The following FPR1 variants were observed in gnomAD, a reference collection of about 807,000 sequenced individuals.
FPR1 encodes the protein formyl peptide receptor 1, also known as N-formyl peptide receptor 1.
For synonymous variants in FPR1, 193 were observed against 176.7 expected, an observed-to-expected ratio of 1.09 and a Z score of -0.73; for missense variants, 407 against 453.0, an observed-to-expected ratio of 0.90 and a Z score of 0.92.
Position 51,746,933 on chromosome 19 carries a change from C to A in FPR1, c.62G>T (p.Gly21Val), listed in dbSNP as rs931195222. The A allele has an allele frequency of 1.2e-6, 2 of 1,614,100 alleles. No individual in the cohort carries two copies. The highest frequency in any genetic ancestry group is 1.7e-6 in the Non-Finnish European group (2 of 1,180,004). ...ISGGTPAVSA[G>V]YLFLDIITYL... ...AGTGATGATATCCAGGAAGAGATAG[C>A]CAGCAGATACAGCAGGTGTCCCTCC... Residue 21 changes from glycine (G) to valine (V), a missense_variant, in exon 2 of 2, where the codon GGC (glycine) becomes GTC (valine). Coordinates refer to ENST00000304748, the MANE Select transcript of FPR1 (RefSeq NM_002029.4). The surrounding 1 kb of genome is among the most constrained non-coding windows in gnomAD (Gnocchi z 4.3).
rs371692364 is a variant in FPR1, at chr19:51,746,137, T to C, written c.858A>G (p.Thr286=). 3.7e-4 allele frequency: 598 copies of C among 1,614,102 alleles called. 1 individual carries two copies. Among genetic ancestry groups the C allele is most frequent in the Non-Finnish European group, 4.6e-4 (542 of 1,180,054 alleles). The change falls in exon 2 of 2, where the codon ACA becomes ACG. Residue 286 remains threonine, a synonymous_variant. Transcript: ENST00000304748. This position sits in a 1 kb window ranked among gnomAD's most constrained non-coding sequence, Gnocchi z 4.3. Reference sequence around the variant, plus strand: ...AGCTGTTGAAGAAGGCCAGGGCACTTGTCACATCCACTGCAATACCAATTT... The same window carrying C: ...AGCTGTTGAAGAAGGCCAGGGCACTCGTCACATCCACTGCAATACCAATTT... ...YKEIGIAVDV[T]SALAFFNSCL...
At chr19:51,750,222 CT>C (rs2122331430) in intron 1 of FPR1, 2 of 152,260 alleles carry the variant, frequency 1.3e-5, no homozygotes, top group South Asian at 4.1e-4. Context: ...TTTTCAAGCA[CT>C]TGAATTGTGG....
chr19:51,745,950 C>T lies in FPR1; in HGVS notation c.1045G>A (p.Ala349Thr). 1.9e-6 allele frequency: 3 copies of T among 1,608,174 alleles called. No individual in the cohort carries two copies. The highest frequency in any genetic ancestry group is 2.6e-6 in the Non-Finnish European group (3 of 1,174,954). Residue 349 changes from alanine to threonine, a missense_variant, in exon 2 of 2, where the codon GCA (alanine) becomes ACA (threonine). Physicochemically the swap from Ala to Thr is moderately conservative, Grantham distance 58. Transcript: ENST00000304748. ...GTCCCCCAGCTCCCTCCTCACTTTG[C>T]CTGTAACTCCACCTCTGCAGAAGGT... The part of the protein sequence containing the change: ...TLPSAEVELQ[A>T]K
Position 51,746,960 on chromosome 19 carries a change from G to GACCTGTC in FPR1, c.34_35insGACAGGT (p.Ser12Ter). ...AGCAGATACAGCAGGTGTCCCTCCAGAGATGTTCGTGGGGAGAGAGGAATT... is the reference window on the plus strand; with the variant it reads ...AGCAGATACAGCAGGTGTCCCTCCAGACCTGTCAGATGTTCGTGGGGAGAGAGGAATT... On this transcript the variant is annotated stop_gained and frameshift_variant, in exon 2 of 2. Coordinates refer to ENST00000304748, the MANE Select transcript of FPR1 (RefSeq NM_002029.4). LOFTEE classifies it low-confidence loss of function (END_TRUNC). This position sits in a 1 kb window ranked among gnomAD's most constrained non-coding sequence, Gnocchi z 4.3. 6.2e-7 allele frequency: 1 copy of GACCTGTC among 1,613,820 alleles called. No individual in the cohort carries two copies. The highest frequency in any genetic ancestry group is 8.5e-7 in the Non-Finnish European group (1 of 1,179,766).
At chr19:51,747,774 T>G (rs2083757681) in intron 1 of FPR1, among the ~76,000 whole-genome samples, 2 of 152,176 alleles carry the variant, frequency 1.3e-5, no homozygotes, top group African/African-American at 4.8e-5. Context: ...CAATGGAATA[T>G]TATTCTGCCA....
At position 51,745,867 on chromosome 19, in the gene FPR1, T is replaced by C. The variant is rs867341; in HGVS notation, c.*75A>G. The C allele has an allele frequency of 0.012, 15,048 of 1,206,824 alleles. 169 individuals carry two copies. The highest frequency in any genetic ancestry group is 0.048 in the African/African-American group (3,157 of 65,538). 74.8% of individuals were successfully genotyped at this position (1,206,824 alleles called of 1,614,324 possible). ...GGGTAATCCTAAAATAAGCAGGAAA[T>C]GCCTGTGGCTCAGCCTAACTCAAGG... On this transcript the variant is annotated 3_prime_UTR_variant, in exon 2 of 2. Coordinates refer to ENST00000304748, the MANE Select transcript of FPR1 (RefSeq NM_002029.4).
chr19:51,746,284 A>T lies in FPR1; in HGVS notation c.711T>A (p.Ser237Arg). Residue 237 changes from serine to arginine, a missense_variant, in exon 2 of 2, where the codon AGT becomes AGA. By Grantham distance (110) the Ser-to-Arg change is moderately radical. Coordinates refer to ENST00000304748, the MANE Select transcript of FPR1 (RefSeq NM_002029.4). The surrounding 1 kb of genome is among the most constrained non-coding windows in gnomAD (Gnocchi z 4.3). ...CAAAGGAGAGGACCCGTAAGGGACG[A>T]CTGGACTTAATCAAGCCTTGCTTGT... ...KIHKQGLIKS[S>R]RPLRVLSFVA... is the part of the protein sequence containing the mutation. The T allele has an allele frequency of 6.2e-7, 1 of 1,614,168 alleles. No individual in the cohort carries two copies. The highest frequency in any genetic ancestry group is 8.5e-7 in the Non-Finnish European group (1 of 1,180,038).
At chr19:51,747,578 T>A (rs2083756506) in intron 1 of FPR1, among the ~76,000 whole-genome samples, 1 of 152,026 alleles carries the variant, frequency 6.6e-6, no homozygotes, top group South Asian at 2.1e-4. Context: ...ACCAGGGAGA[T>A]TAAATGGCTA....
intron 1 of FPR1, among the ~76,000 whole-genome samples, chr19:51,748,712 C>T (rs1375282294): frequency 3.3e-5 from 5 of 152,150 alleles, no homozygotes; most frequent in Admixed American, 2.6e-4. Flanking sequence ...CTGCCCGCCT[C>T]GGCGTCCCAA....
intron 1 of FPR1, 59 bp from the exon 2 acceptor site, chr19:51,747,064 C>T: frequency 1.6e-6 from 2 of 1,261,444 alleles, no homozygotes; most frequent in Non-Finnish European, 2.2e-6. Flanking sequence ...ATTTCCCCAC[C>T]CCCTCATTTC....
intron 1 of FPR1, 61 bp from the exon 2 acceptor site, chr19:51,747,066 C>T: frequency 1.6e-6 from 2 of 1,256,650 alleles, no homozygotes; most frequent in Non-Finnish European, 2.2e-6. Context: ...TTCCCCACCC[C>T]CTCATTTCTG....
rs773162997 is a variant in FPR1, at chr19:51,746,425, C to G, written c.570G>C (p.Arg190Ser). The change falls in exon 2 of 2, where the codon AGG becomes AGC. Residue 190 changes from arginine to serine, a missense_variant. By Grantham distance (110) the Arg-to-Ser change is moderately radical. Transcript: ENST00000304748. The surrounding 1 kb of genome is among the most constrained non-coding windows in gnomAD (Gnocchi z 4.3). ...FSPWTNDPKE[R>S]INVAVAMLTV... ...TCAACATGGCAACGGCCACATTTAT[C>G]CTCTCTTTAGGGTCGTTGGTCCAGG... is the stretch of plus-strand genomic sequence containing the variant. The G allele has an allele frequency of 4.3e-6, 7 of 1,614,008 alleles. No individual in the cohort carries two copies. In the Admixed American group the frequency reaches 8.3e-5, roughly 19 times the overall value.
At chr19:51,747,594 G>A (rs1000115081) in intron 1 of FPR1, among the ~76,000 whole-genome samples, 1 of 152,166 alleles carries the variant, frequency 6.6e-6, no homozygotes, top group Admixed American at 6.6e-5. Context: ...GGCTAAGGAA[G>A]ATAGGGTCCT....
chr19:51,746,100 T>C lies in FPR1; in HGVS notation c.895A>G (p.Met299Val), dbSNP rs567895941. ...TCCTGGCCCATGAAGACATAGAGCA[T>C]GGGGTTGAGGCAGCTGTTGAAGAAG... Reference protein sequence around the residue: ...LAFFNSCLNPMLYVFMGQDFR... With the variant: ...LAFFNSCLNPVLYVFMGQDFR... Residue 299 changes from methionine (M) to valine (V), a missense_variant, in exon 2 of 2, where the codon ATG (methionine) becomes GTG (valine). Transcript: ENST00000304748. This position sits in a 1 kb window ranked among gnomAD's most constrained non-coding sequence, Gnocchi z 4.3. The C allele has an allele frequency of 6.8e-6, 11 of 1,614,128 alleles. No individual in the cohort carries two copies. In the South Asian group the frequency reaches 1.1e-4, roughly 16 times the overall value.
chr19:51,749,082 G>A (rs970906676), intron 1 of FPR1, among the ~76,000 whole-genome samples: 2 of 152,106 alleles, frequency 1.3e-5, no homozygotes, highest in African/African-American at 2.4e-5. Flanking sequence ...AGGCATGGCG[G>A]TGGGTGCTTT....
rs1353523385 is a variant in FPR1 at position 51,751,870 on chromosome 19, G to A, written c.-68C>T. ...GGGTAGTTCTAGGTCTGGGTCTCCT[G>A]GGGAGAGTGACTCAGGCTCTAATGA... On this transcript the variant is annotated 5_prime_UTR_variant, in exon 1 of 2. Transcript: ENST00000304748. 6.6e-6 allele frequency: 1 copy of A among 152,306 alleles called. No individual in the cohort carries two copies. The highest frequency in any genetic ancestry group is 1.5e-5 in the Non-Finnish European group (1 of 68,190). The allele number at this position is 152,306 out of a possible 1,614,324, so 9.4% of individuals were successfully genotyped here.
chr19:51,746,904 G>A lies in FPR1; in HGVS notation c.91C>T (p.Leu31=). 1 of 1,614,142 alleles carries A rather than the reference G, an allele frequency of 6.2e-7. No homozygotes were observed. Among genetic ancestry groups the A allele is most frequent in the Non-Finnish European group, 8.5e-7 (1 of 1,180,024 alleles). Reference sequence around the variant, plus strand: ...AGGACAAAGGTGACTGCAAATACCAGATAAGTGATGATATCCAGGAAGAGA... The same window carrying A: ...AGGACAAAGGTGACTGCAAATACCAAATAAGTGATGATATCCAGGAAGAGA... ...GYLFLDIITY[L]VFAVTFVLGV... The change falls in exon 2 of 2, where the codon CTG becomes TTG. Residue 31 remains leucine, a synonymous_variant. Transcript: ENST00000304748. This position sits in a 1 kb window ranked among gnomAD's most constrained non-coding sequence, Gnocchi z 4.3.
chr19:51,746,373 T>C lies in FPR1; in HGVS notation c.622A>G (p.Ile208Val). ...ATGGACATGGGTGCGCTGAAGCCAA[T>C]GATGAACCGGATGATGCCTCTCACC... The part of the protein sequence containing the change: ...LTVRGIIRFI[I>V]GFSAPMSIVA... The change falls in exon 2 of 2, where the codon ATT (isoleucine) becomes GTT (valine). Residue 208 changes from isoleucine to valine, a missense_variant. By Grantham distance (29) the Ile-to-Val change is conservative. Coordinates refer to ENST00000304748, the MANE Select transcript of FPR1 (RefSeq NM_002029.4). This position sits in a 1 kb window ranked among gnomAD's most constrained non-coding sequence, Gnocchi z 4.3. 1 of 1,614,128 alleles carries C rather than the reference T, an allele frequency of 6.2e-7. No individual in the cohort carries two copies. The highest frequency in any genetic ancestry group is 1.3e-5 in the African/African-American group (1 of 75,002).
chr19:51,748,172 AAAGG>A (rs2083759878), intron 1 of FPR1, among the ~76,000 whole-genome samples: 1 of 151,952 alleles, frequency 6.6e-6, no homozygotes, highest in South Asian at 2.1e-4. Context: ...AAGAAAAAAG[AAAGG>A]AAGGAAAGAA....
Sources: allele counts gnomAD v4.1 joint callset (sites outside exome capture counted in the v4.1 genomes callset), GRCh38; gene constraint gnomAD v4.1.1; non-coding constraint Gnocchi (gnomAD v3.1); transcripts MANE v1.5; gene names NCBI Gene and HGNC (gene_info 2026-07-23, HGNC 2026-07-21).